CLEC12A: variants seen among roughly 807,000 people sequenced by gnomAD.
CLEC12A encodes the protein C-type lectin domain family 12 member A, also known as C-type lectin protein CLL-1.
CLEC12A carries 22 observed loss-of-function variants against 26.5 expected under a neutral mutation model. The observed-to-expected ratio is 0.83, with a 90% confidence interval of 0.59 to 1.19. The LOEUF is 1.19. Among genes scored for constraint, CLEC12A ranks in the 50% most tolerant of loss-of-function variants. The pLI, the probability that CLEC12A is intolerant of heterozygous loss-of-function variation, is 0.00. For missense variants in CLEC12A, 353 were observed against 315.6 expected, an observed-to-expected ratio of 1.12 and a Z score of -0.90; for synonymous variants, 119 against 101.9, an observed-to-expected ratio of 1.17 and a Z score of -1.01.
chr12:9,979,235 G>T (rs181475826), intron 2 of CLEC12A, 101 bp from the exon 3 acceptor site: 197 of 1,037,052 alleles, frequency 1.9e-4, no homozygotes, highest in Non-Finnish European at 2.0e-4. Flanking sequence ...TAGAGTAATT[G>T]CTTTCCCTAC....
At chr12:9,979,565 A>T (rs771999457) in intron 3 of CLEC12A, 41 bp downstream of exon 3, 1 of 1,435,618 alleles carries the variant, frequency 7.0e-7, no homozygotes, top group Non-Finnish European at 9.6e-7. Context: ...TGGACAATAA[A>T]CTAAACCACT....
intron 3 of CLEC12A, 47 bp from the exon 4 acceptor site, chr12:9,980,535 A>G (rs1864515465): frequency 1.3e-6 from 2 of 1,558,480 alleles, no homozygotes; most frequent in Non-Finnish European, 1.8e-6. Context: ...AATAAGAATT[A>G]TTATGACTAT....
chr12:9,955,352 G>A (rs141048973), intron 1 of CLEC12A, among the ~76,000 whole-genome samples: 1 of 152,144 alleles, frequency 6.6e-6, no homozygotes, highest in Non-Finnish European at 1.5e-5. Flanking sequence ...CTCCCAAAGT[G>A]CTGGGATTAC....
chr12:9,996,670 A>G, downstream of CLEC12A: 2 of 727,590 alleles, frequency 2.7e-6, no homozygotes, highest in South Asian at 2.9e-5. Context: ...GTTGTAGAAT[A>G]TTATGAGTGG....
intron 5 of CLEC12A, chr12:9,983,430 G>T (rs963509078): frequency 1.5e-6 from 1 of 654,966 alleles, no homozygotes; most frequent in South Asian, 1.7e-5. Context: ...GGATTTATAC[G>T]TTGTATTTGT....
the CLEC12A span, among the ~76,000 whole-genome samples, chr12:10,005,022 A>G: frequency 6.6e-6 from 1 of 151,880 alleles, no homozygotes; most frequent in Non-Finnish European, 1.5e-5. Flanking sequence ...ATGATCTAGT[A>G]TATTTGAATT....
In CLEC12A at chr12:9,959,978, A is replaced by G. The variant is rs1452217408; in HGVS notation, c.10+8622A>G. On this transcript the variant is annotated intron_variant, in intron 1 of 6. Transcript: ENST00000355690. ...TCTCTCCAACAGACTTCATTTCTGT[A>G]TGGACTTGCCTCTTCCCTGTTTGAA... Among the ~76,000 whole-genome samples the G allele has an allele frequency of 2.0e-5, 3 of 152,200 alleles. No individual in the cohort carries two copies. In the East Asian group the frequency reaches 5.8e-4, roughly 29 times the overall value.
intron 4 of CLEC12A, among the ~76,000 whole-genome samples, chr12:9,990,717 GT>G (rs1864872538): frequency 6.6e-6 from 1 of 152,146 alleles, no homozygotes; most frequent in South Asian, 2.1e-4. Flanking sequence ...TTTGAAAGAA[GT>G]TTACGATGAG....
rs1041963572 is a variant in CLEC12A at position 9,993,418 on chromosome 12, C to T, written n.1005-1600C>T. The T allele has an allele frequency of 1.4e-4, 86 of 619,450 alleles. 1 individual carries two copies. Among genetic ancestry groups the T allele is most frequent in the Middle Eastern group, 5.5e-4 (2 of 3,628 alleles). 38.4% of individuals were successfully genotyped at this position (619,450 alleles called of 1,614,324 possible). A position where few individuals can be genotyped will look rare whatever the true frequency, so the allele number is the denominator to read the frequency against. On this transcript the variant is annotated intron_variant and non_coding_transcript_variant, in intron 4 of 4. Transcript: ENST00000449959. ...TAGGAAAAAAAAACAAAAAAAAAAACGATTCTCATTGTTGAGAAAGTTCCA... is the reference window on the plus strand; with the variant it reads ...TAGGAAAAAAAAACAAAAAAAAAAATGATTCTCATTGTTGAGAAAGTTCCA...
At chr12:9,963,829 C>A (rs1280037909) in intron 1 of CLEC12A, among the ~76,000 whole-genome samples, 2 of 152,172 alleles carry the variant, frequency 1.3e-5, no homozygotes, top group Non-Finnish European at 2.9e-5. Context: ...GGGGATCCAG[C>A]TAGGGCAGCA....
rs577618703 is a variant in CLEC12A at position 9,957,906 on chromosome 12, T to G, written c.10+6550T>G. ...ATTTATTTTCCTTTCACATCTGTAA[T>G]AGCTAAAATTAAAGTAGGAGAATAT... On this transcript the variant is annotated intron_variant, in intron 1 of 6. Coordinates refer to the CLEC12A transcript ENST00000355690. Among the ~76,000 whole-genome samples the G allele has an allele frequency of 7.2e-5, 11 of 152,300 alleles. 1 individual carries two copies. The East Asian group carries it at 2.1e-3, about 29-fold the overall frequency.
the CLEC12A span, among the ~76,000 whole-genome samples, chr12:10,005,397 A>G: frequency 6.6e-6 from 1 of 152,222 alleles, no homozygotes. Context: ...TTTAAGCTTC[A>G]CTGTCAGTGC....
chr12:9,979,451 G>A lies in CLEC12A; in HGVS notation c.306G>A (p.Lys102=), dbSNP rs1480369423. The change falls in exon 3 of 6, where the codon AAG becomes AAA. Residue 102 remains lysine (K), a synonymous_variant. Coordinates refer to ENST00000304361, the MANE Select transcript of CLEC12A (RefSeq NM_138337.6). ...QLMSNMNISN[K]IRNLSTTLQT... ...TGAGTAACATGAATATCTCCAACAA[G>A]ATCAGGAACCTCTCCACCACACTGC... 1 of 1,613,338 alleles carries A rather than the reference G, an allele frequency of 6.2e-7. No individual in the cohort carries two copies. The highest frequency in any genetic ancestry group is 8.5e-7 in the Non-Finnish European group (1 of 1,179,624).
upstream of CLEC12A, among the ~76,000 whole-genome samples, chr12:9,970,220 T>G (rs1864077400): frequency 3.3e-5 from 1 of 30,576 alleles, no homozygotes; most frequent in African/African-American, 1.1e-4. Context: ...GTTTTTCTAT[T>G]TTTTTCTTTT....
At position 9,995,033 on chromosome 12, in the gene CLEC12A, G is replaced by C. The variant is rs746607238; in HGVS notation, n.1020G>C. ...TTTGAATTAGCAGGTAAGTGACCCA[G>C]CTGCTGCTTCTATAACCCATAGTAG... is the stretch of plus-strand genomic sequence containing the variant. On this transcript the variant is annotated non_coding_transcript_exon_variant, in exon 5 of 5. Coordinates refer to the CLEC12A transcript ENST00000449959. 1.4e-5 allele frequency: 22 copies of C among 1,582,310 alleles called. No homozygotes were observed. The South Asian group carries it at 2.4e-4, about 18-fold the overall frequency.
At position 9,971,466 on chromosome 12, in the gene CLEC12A, A is replaced by G. The variant is rs1864119211; in HGVS notation, c.-131A>G. Reference sequence around the variant, plus strand: ...AGTAGGTTTATAAACAGAAGTTTAAACTTGTAAGCTTAAGCTTCCGTTTAT... The same window carrying G: ...AGTAGGTTTATAAACAGAAGTTTAAGCTTGTAAGCTTAAGCTTCCGTTTAT... On this transcript the variant is annotated 5_prime_UTR_variant, in exon 1 of 6. Transcript: ENST00000304361. 8 of 1,393,848 alleles carry G rather than the reference A, an allele frequency of 5.7e-6. No individual in the cohort carries two copies. Among genetic ancestry groups the G allele is most frequent in the Non-Finnish European group, 7.4e-6 (8 of 1,075,960 alleles). 86.3% of individuals were successfully genotyped at this position (1,393,848 alleles called of 1,614,324 possible).
upstream of CLEC12A, among the ~76,000 whole-genome samples, chr12:9,969,052 T>A (rs952210172): frequency 6.6e-6 from 1 of 152,082 alleles, no homozygotes; most frequent in Non-Finnish European, 1.5e-5. Context: ...AAAGAATGAA[T>A]CTCATGGAAG....
downstream of CLEC12A, chr12:9,986,086 C>T (rs1354859158): frequency 8.8e-6 from 4 of 454,304 alleles, no homozygotes; most frequent in East Asian, 7.0e-5. Flanking sequence ...AAATACAGAT[C>T]CCGGCCCAGT....
chr12:9,985,025 G>T lies in CLEC12A; in HGVS notation c.797G>T (p.Ter266LeuextTer18). The T allele has an allele frequency of 6.6e-7, 1 of 1,513,844 alleles. No individual in the cohort carries two copies. The highest frequency in any genetic ancestry group is 2.5e-5 in the East Asian group (1 of 39,278). 93.8% of individuals were successfully genotyped at this position (1,513,844 alleles called of 1,614,324 possible). ...QLGSTYFREA[*>L] ...GGTTCTACATATTTTAGGGAGGCAT[G>T]AGGCATCAATCAAATACATTTAAGG... Residue 266 changes from the stop codon to leucine (L), a stop_lost, in exon 6 of 6, where the codon TGA becomes TTA. Transcript: ENST00000304361.
Sources: allele counts gnomAD v4.1 joint callset (sites outside exome capture counted in the v4.1 genomes callset), GRCh38; gene constraint gnomAD v4.1.1; transcripts MANE v1.5; gene names NCBI Gene and HGNC (gene_info 2026-07-23, HGNC 2026-07-21).